NRXN3: variants seen among roughly 807,000 people sequenced by gnomAD.
NRXN3 encodes the protein neurexin III.
A neutral mutation model predicts 137.6 loss-of-function variants in NRXN3; 32 were observed. The ratio of observed to expected loss-of-function variants is 0.23; its 90% CI spans 0.18 to 0.31. NRXN3 has a LOEUF of 0.31. NRXN3 is among the 10% of genes least tolerant of loss of function. The pLI is 1.00. For missense variants in NRXN3, 1,574 were observed against 2,062.5 expected, an observed-to-expected ratio of 0.76 and a Z score of 4.59; for synonymous variants, 798 against 784.5, an observed-to-expected ratio of 1.02 and a Z score of -0.29.
At chr14:78,671,910 T>C (rs1464674655) in intron 6 of NRXN3, among the ~76,000 whole-genome samples, 1 of 152,226 alleles carries the variant, frequency 6.6e-6, no homozygotes, top group Non-Finnish European at 1.5e-5. Flanking sequence ...ATCAATTCAG[T>C]TGAGTTCAAT....
rs77260068 is a variant in NRXN3 at position 79,026,396 on chromosome 14, T to C, written c.3262+38255T>C. On this transcript the variant is annotated intron_variant, in intron 15 of 20. Coordinates refer to ENST00000335750, the MANE Select transcript of NRXN3 (RefSeq NM_001330195.2). The stretch of plus-strand genomic sequence containing the variant: ...ACACTGCCTCTTAGAGTTACTGTGA[T>C]GATTAAAAGAGGCGATGCCTGCAGC... Among the ~76,000 whole-genome samples, 235 of 152,230 alleles carry C rather than the reference T, an allele frequency of 1.5e-3. 7 individuals carry two copies. The East Asian group carries it at 0.033, about 21-fold the overall frequency.
chr14:78,685,810 C>CTT (rs76135969), intron 6 of NRXN3, among the ~76,000 whole-genome samples: 47 of 133,786 alleles, frequency 3.5e-4, no homozygotes, highest in African/African-American at 1.1e-3. Context: ...GTTTTTCTTT[C>CTT]TTTTTTTTTT....
intron 4 of NRXN3, among the ~76,000 whole-genome samples, chr14:78,633,744 C>T (rs1478097032): frequency 6.6e-6 from 1 of 152,224 alleles, no homozygotes; most frequent in Non-Finnish European, 1.5e-5. Flanking sequence ...TTTTAATCAC[C>T]TGGGCTCTTG....
chr14:79,589,399 C>T (rs1315768493), intron 16 of NRXN3, among the ~76,000 whole-genome samples: 2 of 151,608 alleles, frequency 1.3e-5, no homozygotes, highest in East Asian at 1.9e-4. Flanking sequence ...TCAAAATTGT[C>T]ATGTTATCCC....
intron 1 of NRXN3, among the ~76,000 whole-genome samples, chr14:78,236,612 G>C (rs933819740): frequency 3.3e-5 from 5 of 152,142 alleles, no homozygotes; most frequent in African/African-American, 1.2e-4. Flanking sequence ...TGGAGTCCTG[G>C]GGTAAAAATG....
intron 10 of NRXN3, among the ~76,000 whole-genome samples, chr14:78,821,749 T>A (rs2153128875): frequency 6.6e-6 from 1 of 152,216 alleles, no homozygotes; most frequent in South Asian, 2.1e-4. Flanking sequence ...AGAGAAGGAT[T>A]ACCATTTCCT....
chr14:78,651,135 A>AT (rs548323510), intron 5 of NRXN3, 30 bp from the exon 6 acceptor site: 172 of 1,602,336 alleles, frequency 1.1e-4, no homozygotes, highest in African/African-American at 2.5e-4. Flanking sequence ...CATTGTTGGG[A>AT]TTTTTTTTGT....
At chr14:78,987,962 T>C in intron 14 of NRXN3, 60 bp from the exon 15 acceptor site, 1 of 1,550,534 alleles carries the variant, frequency 6.4e-7, no homozygotes, top group Non-Finnish European at 8.7e-7. Flanking sequence ...TGAATCTAAT[T>C]TTTAACATTT....
intron 3 of NRXN3, among the ~76,000 whole-genome samples, chr14:78,287,604 T>C (rs1250128354): frequency 2.0e-5 from 3 of 152,344 alleles, no homozygotes; most frequent in Non-Finnish European, 4.4e-5. Context: ...AACTCATTGC[T>C]CCTTTAGCTT....
At position 78,939,081 on chromosome 14, in the gene NRXN3, G is replaced by A. The variant is rs769631500; in HGVS notation, c.2276-18161G>A. Among the ~76,000 whole-genome samples the A allele has an allele frequency of 3.0e-3, 456 of 151,890 alleles. 1 individual carries two copies. Among genetic ancestry groups the A allele is most frequent in the South Asian group, 0.014 (66 of 4,796 alleles). ...AGGATGGTCTCGATCTCCTGACCTC[G>A]TGATCCGCCCGCCTCGGCCTCCCAA... On this transcript the variant is annotated intron_variant, in intron 10 of 20. Coordinates refer to ENST00000335750, the MANE Select transcript of NRXN3 (RefSeq NM_001330195.2).
rs553914455 is a variant in NRXN3 at position 79,066,071 on chromosome 14, G to T, written c.3262+77930G>T. On this transcript the variant is annotated intron_variant, in intron 15 of 20. Coordinates refer to ENST00000335750, the MANE Select transcript of NRXN3 (RefSeq NM_001330195.2). ...TTTTTGTCATGAAATTTTTGCCCAC[G>T]CCTAATTCCTGAATGGTATTGCCTA... Among the ~76,000 whole-genome samples, 4 of 151,996 alleles carry T rather than the reference G, an allele frequency of 2.6e-5. No homozygotes were observed. The East Asian group carries it at 5.8e-4, about 22-fold the overall frequency.
At chr14:79,153,943 C>G (rs12590469) in intron 15 of NRXN3, among the ~76,000 whole-genome samples, 38,506 of 151,852 alleles carry the variant, frequency 0.25, 5,208 homozygotes, top group Middle Eastern at 0.31. Flanking sequence ...ATATGACACT[C>G]CTTGCATTGC....
In NRXN3 at chr14:78,213,932, A is replaced by G. The variant is rs150201174; in HGVS notation, c.-703-28459A>G. Among the ~76,000 whole-genome samples, 364 of 152,310 alleles carry G rather than the reference A, an allele frequency of 2.4e-3. 5 individuals are homozygous for G. Among genetic ancestry groups the G allele is most frequent in the African/African-American group, 8.5e-3 (354 of 41,564 alleles). On this transcript the variant is annotated intron_variant, in intron 1 of 20. Coordinates refer to ENST00000335750, the MANE Select transcript of NRXN3 (RefSeq NM_001330195.2). ...CAAGCAAGTGGGATTTGCTCAGCTC[A>G]TGTGAGCATGTTATCTGAGTTTGCT...
intron 4 of NRXN3, among the ~76,000 whole-genome samples, chr14:78,317,778 T>C (rs11159352): frequency 0.77 from 117,757 of 152,080 alleles, 45,680 homozygotes; most frequent in Middle Eastern, 0.86. Context: ...TTCACAAGTC[T>C]ACCCCTTTTC....
chr14:78,323,168 A>T (rs534823816), intron 4 of NRXN3, among the ~76,000 whole-genome samples: 41 of 152,092 alleles, frequency 2.7e-4, no homozygotes, highest in African/African-American at 9.9e-4. Context: ...AAAATTGTAT[A>T]TATCTTCCCA....
intron 10 of NRXN3, among the ~76,000 whole-genome samples, chr14:78,928,124 C>T (rs1212226674): frequency 6.6e-6 from 1 of 152,102 alleles, no homozygotes. Flanking sequence ...AGCTTTCCTC[C>T]CTTCTCTGTC....
intron 8 of NRXN3, among the ~76,000 whole-genome samples, chr14:78,790,708 A>G (rs1472248615): frequency 6.6e-6 from 1 of 152,148 alleles, no homozygotes; most frequent in Non-Finnish European, 1.5e-5. Flanking sequence ...AGAAAGAGAA[A>G]AGGGTGAGGG....
chr14:78,715,178 G>A (rs1333952581), intron 8 of NRXN3, 39 bp downstream of exon 8: 2 of 1,581,920 alleles, frequency 1.3e-6, no homozygotes, highest in South Asian at 2.2e-5. Flanking sequence ...GGGCCTGAGT[G>A]GGGCTGATGT....
At chr14:79,344,503 T>C (rs2092771174) in intron 15 of NRXN3, among the ~76,000 whole-genome samples, 3 of 152,176 alleles carry the variant, frequency 2.0e-5, no homozygotes, top group Non-Finnish European at 4.4e-5. Context: ...GCCAAAATGG[T>C]TTACATGAAA....
Sources: allele counts gnomAD v4.1 joint callset (sites outside exome capture counted in the v4.1 genomes callset), GRCh38; gene constraint gnomAD v4.1.1; transcripts MANE v1.5; gene names NCBI Gene and HGNC (gene_info 2026-07-23, HGNC 2026-07-21).